SUCLG2: variants seen among roughly 807,000 people sequenced by gnomAD.
SUCLG2 encodes succinate-CoA ligase GDP-forming subunit beta, also known as succinate--CoA ligase [GDP-forming] subunit beta, mitochondrial.
Under a neutral mutation model 47.9 loss-of-function variants are expected in SUCLG2, and 42 were observed. The ratio of observed to expected loss-of-function variants is 0.88; its 90% CI spans 0.69 to 1.14. The LOEUF (loss-of-function observed/expected upper bound fraction) is 1.14, where lower values mean the gene tolerates loss of function less well. Among genes scored for constraint, SUCLG2 ranks in the 50% most tolerant of loss-of-function variants. SUCLG2 has a pLI of 0.00. For missense variants in SUCLG2, 571 were observed against 525.9 expected (o/e 1.09, Z -0.84); for synonymous variants, 195 against 197.3 (o/e 0.99, Z 0.10).
chr3:67,430,239 T>C (rs925790621), intron 9 of SUCLG2, among the ~76,000 whole-genome samples: 3 of 152,170 alleles, frequency 2.0e-5, no homozygotes, highest in Non-Finnish European at 4.4e-5. Context: ...AAAGAAATTA[T>C]AACAAACTGT....
intron 2 of SUCLG2, among the ~76,000 whole-genome samples, chr3:67,585,911 G>A (rs533538782): frequency 7.1e-6 from 1 of 141,014 alleles, no homozygotes; most frequent in Admixed American, 7.6e-5. Context: ...AGGTAGCAGT[G>A]AGCCGAGATC....
rs989798446 is a variant in SUCLG2, at chr3:67,360,739, T to C, written c.1213A>G (p.Met405Val). 10 of 1,524,224 alleles carry C rather than the reference T, an allele frequency of 6.6e-6. No homozygotes were observed. The East Asian group carries it at 7.3e-5, about 11-fold the overall frequency. 94.4% of individuals were successfully genotyped at this position (1,524,224 alleles called of 1,614,324 possible). The change falls in exon 11 of 11, where the codon ATG (methionine) becomes GTG (valine). Residue 405 changes from methionine (M) to valine (V), a missense_variant. Transcript: ENST00000493112. ...TTTCCTGTTTCTTGTTTTATGTGCATATAACTTCCTTTTTTTTCCATAAAA... is the reference window on the plus strand; with the variant it reads ...TTTCCTGTTTCTTGTTTTATGTGCACATAACTTCCTTTTTTTTCCATAAAA...
At chr3:67,465,930 A>G (rs1704458090) in intron 9 of SUCLG2, among the ~76,000 whole-genome samples, 1 of 152,084 alleles carries the variant, frequency 6.6e-6, no homozygotes, top group Non-Finnish European at 1.5e-5. Context: ...ATGACCTATT[A>G]TTATATGGTT....
At position 67,375,689 on chromosome 3, in the gene SUCLG2, C is replaced by A; in HGVS notation, c.*55G>T. On this transcript the variant is annotated 3_prime_UTR_variant, in exon 11 of 11. Transcript: ENST00000307227. The stretch of plus-strand genomic sequence containing the variant: ...AACCATTTCTTTCACAATGATGAAC[C>A]ATCCCTTTTTACGGAAAAATGGCTT... The A allele has an allele frequency of 6.4e-7, 1 of 1,551,836 alleles. No homozygotes were observed. Among genetic ancestry groups the A allele is most frequent in the Non-Finnish European group, 8.7e-7 (1 of 1,147,346 alleles).
In SUCLG2 at chr3:67,435,478, A is replaced by G. The variant is rs192072691; in HGVS notation, c.1063-34627T>C. Among the ~76,000 whole-genome samples, 278 of 152,310 alleles carry G rather than the reference A, an allele frequency of 1.8e-3. 1 individual carries two copies. Among genetic ancestry groups the G allele is most frequent in the African/African-American group, 6.1e-3 (253 of 41,576 alleles). ...AAAGTAAGATGCCACCTTTATTTAT[A>G]GACATCGTTAAGTCAGAGAAAATGA... On this transcript the variant is annotated intron_variant, in intron 9 of 10. Transcript: ENST00000307227.
intron 9 of SUCLG2, among the ~76,000 whole-genome samples, chr3:67,453,938 TGTC>T (rs955658711): frequency 7.2e-5 from 11 of 152,306 alleles, no homozygotes; most frequent in Non-Finnish European, 1.3e-4. Context: ...AGGTTGTCGT[TGTC>T]GTGCATTTTG....
intron 4 of SUCLG2, among the ~76,000 whole-genome samples, chr3:67,523,773 G>A (rs1169679031): frequency 1.3e-5 from 2 of 152,078 alleles, no homozygotes; most frequent in Non-Finnish European, 2.9e-5. Context: ...CAGGTCTACT[G>A]GCATAATACT....
At chr3:67,465,581 G>A (rs1255523060) in intron 9 of SUCLG2, among the ~76,000 whole-genome samples, 2 of 152,150 alleles carry the variant, frequency 1.3e-5, no homozygotes, top group Non-Finnish European at 2.9e-5. Context: ...GGCTGCACTG[G>A]GGGCAAGGCT....
intron 10 of SUCLG2, among the ~76,000 whole-genome samples, chr3:67,386,325 C>T (rs770861479): frequency 2.6e-5 from 4 of 151,710 alleles, no homozygotes; most frequent in Non-Finnish European, 4.4e-5. Flanking sequence ...TCTCGATCTC[C>T]GACCTCATTA....
chr3:67,418,739 G>T (rs576763825), intron 9 of SUCLG2, among the ~76,000 whole-genome samples: 1 of 152,242 alleles, frequency 6.6e-6, no homozygotes, highest in Admixed American at 6.5e-5. Flanking sequence ...TCCAACCTCT[G>T]TTCCTGGAGC....
intron 2 of SUCLG2, among the ~76,000 whole-genome samples, chr3:67,594,635 T>A (rs1251410786): frequency 6.6e-6 from 1 of 152,220 alleles, no homozygotes; most frequent in African/African-American, 2.4e-5. Context: ...ATACTCTGCA[T>A]CCTCACCAAG....
At chr3:67,548,469 TC>T (rs1445900243) in intron 2 of SUCLG2, among the ~76,000 whole-genome samples, 14 of 152,226 alleles carry the variant, frequency 9.2e-5, no homozygotes, top group Admixed American at 3.9e-4. Context: ...GTTAAACTCT[TC>T]AGTATCCATA....
chr3:67,541,409 G>A (rs377561493), intron 2 of SUCLG2, among the ~76,000 whole-genome samples: 1 of 152,058 alleles, frequency 6.6e-6, no homozygotes, highest in Non-Finnish European at 1.5e-5. Flanking sequence ...TAGCTAGATC[G>A]ATCAAGTGGA....
chr3:67,579,200 A>G (rs575464588), intron 2 of SUCLG2, among the ~76,000 whole-genome samples: 22 of 152,312 alleles, frequency 1.4e-4, no homozygotes, highest in Middle Eastern at 3.4e-3. Flanking sequence ...TCATTTTACA[A>G]TTGAGTTTCC....
chr3:67,517,873 G>A (rs887765862), intron 6 of SUCLG2, among the ~76,000 whole-genome samples: 14 of 152,044 alleles, frequency 9.2e-5, no homozygotes, highest in African/African-American at 3.4e-4. Context: ...TAAGCCTCTC[G>A]GGAGTTGTCA....
intron 9 of SUCLG2, among the ~76,000 whole-genome samples, chr3:67,487,754 C>T (rs1011440047): frequency 6.6e-6 from 1 of 152,154 alleles, no homozygotes; most frequent in Non-Finnish European, 1.5e-5. Flanking sequence ...ACAAGTCCTT[C>T]AACTATTACT....
intron 9 of SUCLG2, among the ~76,000 whole-genome samples, chr3:67,427,368 G>A (rs144639902): frequency 0.03 from 4,540 of 152,234 alleles, 103 homozygotes; most frequent in Middle Eastern, 0.095. Context: ...CAAATGCTTG[G>A]TTTCAGAAAT....
At chr3:67,558,369 GA>G (rs1416939236) in intron 2 of SUCLG2, among the ~76,000 whole-genome samples, 3 of 150,152 alleles carry the variant, frequency 2.0e-5, no homozygotes, top group Admixed American at 6.7e-5. Flanking sequence ...ATGCCACAGA[GA>G]AAATTGAAAT....
intron 7 of SUCLG2, among the ~76,000 whole-genome samples, chr3:67,499,824 C>G (rs1364796729): frequency 1.3e-5 from 2 of 152,032 alleles, no homozygotes; most frequent in African/African-American, 4.8e-5. Context: ...CTCCACCTCC[C>G]AGGTTCAAGC....
Sources: allele counts gnomAD v4.1 joint callset (sites outside exome capture counted in the v4.1 genomes callset), GRCh38; gene constraint gnomAD v4.1.1; transcripts MANE v1.5; gene names NCBI Gene and HGNC (gene_info 2026-07-23, HGNC 2026-07-21).